GID4: variants seen among roughly 807,000 people sequenced by gnomAD.
GID4 encodes the protein glucose-induced degradation protein 4 homolog.
In GID4, 7 loss-of-function variants were observed where a neutral mutation model predicts 32.4. The ratio of observed to expected loss-of-function variants is 0.22; its 90% CI spans 0.12 to 0.41. The LOEUF (loss-of-function observed/expected upper bound fraction) is 0.41. Ranked by LOEUF, GID4 falls within the 10% of genes least tolerant of loss-of-function variation. The pLI is 1.00. For synonymous variants in GID4, 166 were observed against 170.0 expected (o/e 0.98, Z 0.18); for missense variants, 309 against 400.0 (o/e 0.77, Z 1.94).
chr17:18,062,923 A>C (rs148185155), intron 5 of GID4, among the ~76,000 whole-genome samples: 5 of 150,728 alleles, frequency 3.3e-5, no homozygotes, highest in African/African-American at 9.8e-5. Context: ...AAAAACAAAA[A>C]ATTAGCCAGG....
intron 3 of GID4, among the ~76,000 whole-genome samples, chr17:18,058,089 TC>T (rs779760888): frequency 6.6e-6 from 1 of 152,234 alleles, no homozygotes; most frequent in Non-Finnish European, 1.5e-5. Flanking sequence ...TGCCTTGGCC[TC>T]CCCAAGTGCT....
At chr17:18,064,776 A>G (rs1293091684) in intron 5 of GID4, among the ~76,000 whole-genome samples, 1 of 152,186 alleles carries the variant, frequency 6.6e-6, no homozygotes, top group Non-Finnish European at 1.5e-5. Context: ...GAATCAGTTT[A>G]TGCCTATGCT....
At position 18,043,001 on chromosome 17, in the gene GID4, G is replaced by A. The variant is rs1231858356; in HGVS notation, c.439-2146G>A. ...CAAACCTTTGTGAGTTTCTGACTGGGTCTCCTCTCCACCCCGCACTTACTG... is the reference window on the plus strand; with the variant it reads ...CAAACCTTTGTGAGTTTCTGACTGGATCTCCTCTCCACCCCGCACTTACTG... On this transcript the variant is annotated intron_variant, in intron 1 of 5. Coordinates refer to ENST00000268719, the MANE Select transcript of GID4 (RefSeq NM_024052.5). Among the ~76,000 whole-genome samples, 4 of 152,112 alleles carry A rather than the reference G, an allele frequency of 2.6e-5. No individual in the cohort carries two copies. In the East Asian group the frequency reaches 7.7e-4, roughly 29 times the overall value.
intron 1 of GID4, 62 bp from the exon 2 acceptor site, chr17:18,045,085 C>T: frequency 1.5e-6 from 2 of 1,324,066 alleles, no homozygotes; most frequent in Middle Eastern, 1.9e-4. Flanking sequence ...GCAGAGTACC[C>T]TCCTGCATGT....
At chr17:18,052,194 G>A (rs947823967) in intron 2 of GID4, among the ~76,000 whole-genome samples, 3 of 151,974 alleles carry the variant, frequency 2.0e-5, no homozygotes, top group African/African-American at 7.3e-5. Flanking sequence ...GAAGAATCCA[G>A]CAACAGTGTT....
intron 5 of GID4, among the ~76,000 whole-genome samples, chr17:18,064,280 C>A (rs2045041293): frequency 6.6e-6 from 1 of 152,148 alleles, no homozygotes; most frequent in African/African-American, 2.4e-5. Context: ...TGCATTCCTA[C>A]CGGCATGTAT....
At chr17:18,049,357 T>TA (rs2044887061) in intron 2 of GID4, among the ~76,000 whole-genome samples, 1 of 131,352 alleles carries the variant, frequency 7.6e-6, no homozygotes, top group Non-Finnish European at 1.7e-5. Flanking sequence ...AAAAAGGAGA[T>TA]AAGTGTCAAA....
chr17:18,042,689 C>T (rs2044813986), intron 1 of GID4, among the ~76,000 whole-genome samples: 1 of 152,186 alleles, frequency 6.6e-6, no homozygotes, highest in Non-Finnish European at 1.5e-5. Flanking sequence ...AGTGCAATTG[C>T]TGGGTCACAT....
chr17:18,045,410 G>T (rs2044842934), intron 2 of GID4, among the ~76,000 whole-genome samples: 2 of 152,112 alleles, frequency 1.3e-5, no homozygotes, highest in Non-Finnish European at 2.9e-5. Context: ...ATGTTTTAAA[G>T]AAAAGTTTAT....
intron 3 of GID4, 60 bp downstream of exon 3, chr17:18,054,294 T>A: frequency 9.3e-7 from 1 of 1,080,434 alleles, no homozygotes; most frequent in Non-Finnish European, 1.4e-6. Context: ...GAAGAAATGC[T>A]GGGAGCCAGA....
intron 2 of GID4, among the ~76,000 whole-genome samples, chr17:18,050,150 C>T (rs1457653404): frequency 6.6e-6 from 1 of 152,092 alleles, no homozygotes; most frequent in East Asian, 1.9e-4. Context: ...TAGGTTGACC[C>T]ACTTTTTACT....
rs768809461 is a variant in GID4 at position 18,067,712 on chromosome 17, T to A, written c.*2469T>A. The A allele has an allele frequency of 6.6e-6, 1 of 152,666 alleles. No homozygotes were observed. Among genetic ancestry groups the A allele is most frequent in the Non-Finnish European group, 1.5e-5 (1 of 68,038 alleles). The allele number at this position is 152,666 out of a possible 1,614,324, so 9.5% of individuals were successfully genotyped here. On this transcript the variant is annotated 3_prime_UTR_variant, in exon 6 of 6. Transcript: ENST00000268719. ...TCAGTGGTTTACATGCCTCTGAAAC[T>A]ATGTGCAATATTTTTGGTTGACACT...
intron 2 of GID4, among the ~76,000 whole-genome samples, chr17:18,050,977 G>A (rs2044904035): frequency 6.6e-6 from 1 of 152,142 alleles, no homozygotes; most frequent in Admixed American, 6.5e-5. Context: ...TCTTTTCAGT[G>A]ACTTCTGTAC....
chr17:18,052,407 C>T (rs2044920581), intron 2 of GID4, among the ~76,000 whole-genome samples: 1 of 152,316 alleles, frequency 6.6e-6, no homozygotes, highest in South Asian at 2.1e-4. Context: ...TCCTACACTA[C>T]ATGCAGGCCA....
In GID4 at chr17:18,065,532, A is replaced by G; in HGVS notation, c.*289A>G. 1 of 404,420 alleles carries G rather than the reference A, an allele frequency of 2.5e-6. No homozygotes were observed. The highest frequency in any genetic ancestry group is 5.5e-5 in the East Asian group (1 of 18,248). The allele number at this position is 404,420 out of a possible 1,614,324, so 25.1% of individuals were successfully genotyped here. A position where few individuals can be genotyped will look rare whatever the true frequency, so the allele number is the denominator to read the frequency against. Reference sequence around the variant, plus strand: ...TCCTTCCTGCACAGCTAACTTCTACATCACTGAAATGCCCATTCCTTCCTC... The same window carrying G: ...TCCTTCCTGCACAGCTAACTTCTACGTCACTGAAATGCCCATTCCTTCCTC... On this transcript the variant is annotated 3_prime_UTR_variant, in exon 6 of 6. Transcript: ENST00000268719.
chr17:18,041,198 T>TC (rs956075205), intron 1 of GID4, among the ~76,000 whole-genome samples: 6 of 150,972 alleles, frequency 4.0e-5, no homozygotes, highest in South Asian at 2.1e-4. Context: ...CCCCACTGCC[T>TC]CCCCCCCGCC....
At chr17:18,055,897 G>A (rs1350315525) in intron 3 of GID4, among the ~76,000 whole-genome samples, 4 of 152,176 alleles carry the variant, frequency 2.6e-5, no homozygotes, top group Non-Finnish European at 4.4e-5. Context: ...GGAGTGCAGT[G>A]GCGTAATCTC....
At chr17:18,048,499 C>T (rs1034534558) in intron 2 of GID4, among the ~76,000 whole-genome samples, 1 of 152,016 alleles carries the variant, frequency 6.6e-6, no homozygotes, top group African/African-American at 2.4e-5. Flanking sequence ...AGCCTGATAA[C>T]TTTTAAAATT....
rs892453958 is a variant in GID4, at chr17:18,046,887, G to A, written c.498+1681G>A. On this transcript the variant is annotated intron_variant, in intron 2 of 5. Transcript: ENST00000268719. ...CAGTGAGCCAAGATTGCACCATTGC[G>A]CTCCAGCCTGAGCAACAAGAGCGAA... 6.4e-5 allele frequency among the ~76,000 whole-genome samples: 9 copies of A among 141,630 alleles called. No homozygotes were observed. The South Asian group carries it at 6.7e-4, about 11-fold the overall frequency. The allele number at this position is 141,630 out of a possible 152,430, so 92.9% of individuals were successfully genotyped here.
Sources: gnomAD v4.1 joint callset for allele counts (sites outside exome capture counted in the v4.1 genomes callset) on GRCh38, gnomAD v4.1.1 for gene constraint, MANE v1.5 for transcripts, NCBI Gene and HGNC (gene_info 2026-07-23, HGNC 2026-07-21) for gene names.